Variants in DSCAM observed in about 807,000 individuals in gnomAD.
DSCAM encodes the protein DS cell adhesion molecule, also known as cell adhesion molecule DSCAM.
In DSCAM, 47 loss-of-function variants were observed where a neutral mutation model predicts 217.7. The ratio of observed to expected loss-of-function variants is 0.22; its 90% CI spans 0.17 to 0.28. The LOEUF is 0.28. Among genes scored for constraint, DSCAM ranks in the 10% least tolerant of loss-of-function variants. The probability of loss-of-function intolerance (pLI) is 1.00; values close to 1 mark genes in which losing one functional copy is unlikely to be tolerated. For missense variants in DSCAM, 2,080 were observed against 2,618.3 expected, an observed-to-expected ratio of 0.79 and a Z score of 4.49; for synonymous variants, 1,056 against 1,015.3, an observed-to-expected ratio of 1.04 and a Z score of -0.76.
intron 24 of DSCAM, 131 bp downstream of exon 24, chr21:40,083,777 G>T: frequency 1.8e-6 from 1 of 565,028 alleles, no homozygotes; most frequent in Non-Finnish European, 3.0e-6. Context: ...GTAATGGAGG[G>T]ATTGTTTATA....
At position 40,360,121 on chromosome 21, in the gene DSCAM, G is replaced by GTTTTTTTTTTT. The variant is rs764160478; in HGVS notation, c.656-6379_656-6378insAAAAAAAAAAA. Among the ~76,000 whole-genome samples, 19 of 82,632 alleles carry GTTTTTTTTTTT rather than the reference G, an allele frequency of 2.3e-4. 8 individuals are homozygous for GTTTTTTTTTTT. The highest frequency in any genetic ancestry group is 3.0e-4 in the Admixed American group (2 of 6,776). 54.2% of individuals were successfully genotyped at this position (82,632 alleles called of 152,430 possible). On this transcript the variant is annotated intron_variant, in intron 4 of 32. Coordinates refer to ENST00000400454, the MANE Select transcript of DSCAM (RefSeq NM_001389.5). Reference sequence around the variant, plus strand: ...TAGTGAGCATGGTACTTCATAGGTAGTCTTTTTTTTTTTTTTTTTTTTTTT... The same window carrying GTTTTTTTTTTT: ...TAGTGAGCATGGTACTTCATAGGTAGTTTTTTTTTTTTCTTTTTTTTTTTTTTTTTTTTTTT...
Position 40,016,360 on chromosome 21 carries a change from G to T in DSCAM, c.5687-2974C>A, listed in dbSNP as rs1434737103. ...CAGTGAAATCACTAACTGTGAAAGG[G>T]TGTATAGGGGAAAGATCGTACTTTG... On this transcript the variant is annotated intron_variant, in intron 32 of 32. Transcript: ENST00000400454. This position sits in a 1 kb window ranked among gnomAD's most constrained non-coding sequence, Gnocchi z 4.3. Among the ~76,000 whole-genome samples, 1 of 152,184 alleles carries T rather than the reference G, an allele frequency of 6.6e-6. No individual in the cohort carries two copies. The highest frequency in any genetic ancestry group is 1.5e-5 in the Non-Finnish European group (1 of 68,032).
At chr21:40,148,374 C>T (rs1280864783) in intron 16 of DSCAM, among the ~76,000 whole-genome samples, 1 of 151,940 alleles carries the variant, frequency 6.6e-6, no homozygotes, top group African/African-American at 2.4e-5. Flanking sequence ...AGGATGGGAG[C>T]AGCAGCCAGT....
chr21:40,478,005 T>C (rs936523872), intron 3 of DSCAM, among the ~76,000 whole-genome samples: 2 of 152,270 alleles, frequency 1.3e-5, no homozygotes, highest in South Asian at 2.1e-4. Flanking sequence ...TGCTTCTTTA[T>C]AGTCATTACT....
At chr21:40,774,476 C>T (rs2091471598) in intron 1 of DSCAM, among the ~76,000 whole-genome samples, 1 of 152,176 alleles carries the variant, frequency 6.6e-6, no homozygotes, top group Non-Finnish European at 1.5e-5. Flanking sequence ...TCCTTTCCTT[C>T]TTTGTTGCCT....
At chr21:40,525,653 A>C (rs1037625699) in intron 3 of DSCAM, among the ~76,000 whole-genome samples, 2 of 152,218 alleles carry the variant, frequency 1.3e-5, no homozygotes, top group Non-Finnish European at 2.9e-5. Context: ...AGCCACTCTC[A>C]ATGTCTTGGA....
rs570087668 is a variant in DSCAM at position 40,608,479 on chromosome 21, ACAG to A, written c.508+84328_508+84330del. Reference sequence around the variant, plus strand: ...GGTGTTCTAAGGAAAAATAAGAGATACAGCTCAAAATAAACTGTTTTGTGCCCA... The same window carrying A: ...GGTGTTCTAAGGAAAAATAAGAGATACTCAAAATAAACTGTTTTGTGCCCA... On this transcript the variant is annotated intron_variant, in intron 3 of 32. Transcript: ENST00000400454. Among the ~76,000 whole-genome samples, 691 of 152,356 alleles carry A rather than the reference ACAG, an allele frequency of 4.5e-3. 3 individuals carry two copies. The highest frequency in any genetic ancestry group is 0.01 in the Middle Eastern group (3 of 294).
At chr21:40,406,106 C>T (rs12483361) in intron 3 of DSCAM, among the ~76,000 whole-genome samples, 7,043 of 152,244 alleles carry the variant, frequency 0.046, 370 homozygotes, top group Admixed American at 0.16. Context: ...AACGTATCAC[C>T]TCATACCTGT....
intron 1 of DSCAM, among the ~76,000 whole-genome samples, chr21:40,809,453 AC>A (rs781281598): frequency 0.028 from 4,249 of 152,312 alleles, 177 homozygotes; most frequent in East Asian, 0.18. Flanking sequence ...AACTCTGTGA[AC>A]TTGTTAAGAA....
At chr21:40,231,357 A>C (rs1331394682) in intron 11 of DSCAM, among the ~76,000 whole-genome samples, 1 of 152,050 alleles carries the variant, frequency 6.6e-6, no homozygotes, top group Non-Finnish European at 1.5e-5. Flanking sequence ...TCACTGGCCC[A>C]GCAGCTTCTG....
chr21:40,461,448 G>A (rs1601661356), intron 3 of DSCAM, among the ~76,000 whole-genome samples: 1 of 152,100 alleles, frequency 6.6e-6, no homozygotes, highest in Non-Finnish European at 1.5e-5. Context: ...TATTTCCCTG[G>A]GTTCCAGCAG....
At chr21:40,693,081 C>T in intron 2 of DSCAM, 125 bp from the exon 3 acceptor site, 5 of 1,123,498 alleles carry the variant, frequency 4.5e-6, no homozygotes, top group African/African-American at 3.1e-5. Context: ...TTCTGGAAAA[C>T]AGTTAAGATG....
At chr21:40,349,020 C>G (rs969223269) in intron 5 of DSCAM, among the ~76,000 whole-genome samples, 2 of 150,342 alleles carry the variant, frequency 1.3e-5, no homozygotes. Context: ...TCCTGTAGTC[C>G]CATGTACTTG....
chr21:40,174,671 C>T lies in DSCAM; in HGVS notation c.2947+4256G>A, dbSNP rs573760363. Among the ~76,000 whole-genome samples the T allele has an allele frequency of 2.6e-5, 4 of 152,186 alleles. No individual in the cohort carries two copies. In the South Asian group the frequency reaches 6.2e-4, roughly 24 times the overall value. On this transcript the variant is annotated intron_variant, in intron 15 of 32. Transcript: ENST00000400454. ...GGCTCACTGAGGGGGTATGGTCAGC[C>T]TCTGGGATGGCCACTCCATGCTTAA...
chr21:40,204,242 C>T (rs550623535), intron 11 of DSCAM, among the ~76,000 whole-genome samples: 53 of 152,246 alleles, frequency 3.5e-4, no homozygotes, highest in African/African-American at 1.1e-3. Context: ...TGTGTGAGCA[C>T]GTGTGCAATT....
intron 1 of DSCAM, among the ~76,000 whole-genome samples, chr21:40,749,231 T>C (rs1051186479): frequency 7.9e-5 from 12 of 151,984 alleles, no homozygotes; most frequent in African/African-American, 2.9e-4. Flanking sequence ...TGGAATTATA[T>C]CAAATTAAAA....
chr21:40,451,931 C>T (rs1042737389), intron 3 of DSCAM, among the ~76,000 whole-genome samples: 3 of 151,956 alleles, frequency 2.0e-5, no homozygotes, highest in African/African-American at 7.3e-5. Context: ...GGAGGTATTC[C>T]CAGTTCACTG....
intron 23 of DSCAM, among the ~76,000 whole-genome samples, 166 bp downstream of exon 23, chr21:40,085,436 G>T (rs982632557): frequency 4.6e-5 from 7 of 152,066 alleles, no homozygotes; most frequent in African/African-American, 1.4e-4. Context: ...TCTTTGATTT[G>T]TTTAATTATA....
intron 32 of DSCAM, 145 bp from the exon 33 acceptor site, chr21:40,013,531 C>T (rs1201307446): frequency 1.2e-5 from 7 of 579,888 alleles, no homozygotes; most frequent in East Asian, 6.5e-5. Context: ...CCTCCTTCAG[C>T]GCTCACCACA....
Sources: gnomAD v4.1 joint callset for allele counts (sites outside exome capture counted in the v4.1 genomes callset) on GRCh38, gnomAD v4.1.1 for gene constraint, Gnocchi (gnomAD v3.1) non-coding constraint, MANE v1.5 for transcripts, NCBI Gene and HGNC (gene_info 2026-07-23, HGNC 2026-07-21) for gene names.